Variants in ARHGEF10 observed in about 807,000 individuals in gnomAD.
The protein encoded by ARHGEF10 is Rho guanine nucleotide exchange factor (GEF) 10.
Under a neutral mutation model 147.4 loss-of-function variants are expected in ARHGEF10, and 140 were observed. The ratio of observed to expected loss-of-function variants is 0.95; its 90% CI spans 0.83 to 1.09. The LOEUF (loss-of-function observed/expected upper bound fraction) is 1.09, where lower values mean the gene tolerates loss of function less well. Among genes scored for constraint, ARHGEF10 ranks in the 50% least tolerant of loss-of-function variants. The pLI is 0.00. For synonymous variants in ARHGEF10, 902 were observed against 695.8 expected (o/e 1.30, Z -4.67); for missense variants, 2,222 against 1,752.7 (o/e 1.27, Z -4.78).
At chr8:1,924,504 A>C (rs1033694280) in intron 21 of ARHGEF10, among the ~76,000 whole-genome samples, 1 of 152,262 alleles carries the variant, frequency 6.6e-6, no homozygotes, top group Non-Finnish European at 1.5e-5. Context: ...TCTGCTGTAG[A>C]TAATCTGAAA....
At chr8:1,924,070 A>G (rs947025115) in intron 21 of ARHGEF10, among the ~76,000 whole-genome samples, 196 bp downstream of exon 21, 2 of 152,242 alleles carry the variant, frequency 1.3e-5, no homozygotes, top group African/African-American at 2.4e-5. Flanking sequence ...GAGGGATCGC[A>G]TATTAAAATG....
chr8:1,928,451 G>C lies in ARHGEF10; in HGVS notation c.2722G>C (p.Gly908Arg). 1 of 1,614,072 alleles carries C rather than the reference G, an allele frequency of 6.2e-7. No homozygotes were observed. Among genetic ancestry groups the C allele is most frequent in the Non-Finnish European group, 8.5e-7 (1 of 1,180,028 alleles). ...GATCGGAAGTTGCACCCATCAAATG[G>C]GTCAGATTGCCATCGTCTCGTTTCA... ...LWIGSCTHQM[G>R]QIAIVSFQNS... The change falls in exon 24 of 29, where the codon GGT becomes CGT. Residue 908 changes from glycine to arginine, a missense_variant. Gly to Arg is a moderately radical substitution (Grantham distance 125). Coordinates refer to ENST00000349830, the MANE Select transcript of ARHGEF10 (RefSeq NM_014629.4).
chr8:1,947,542 C>T (rs1416939540), intron 27 of ARHGEF10, among the ~76,000 whole-genome samples: 1 of 152,118 alleles, frequency 6.6e-6, no homozygotes, highest in Non-Finnish European at 1.5e-5. Flanking sequence ...TTTAATAAAA[C>T]CCAACAGCAC....
At chr8:1,888,486 TG>T (rs1187653458) in intron 11 of ARHGEF10, among the ~76,000 whole-genome samples, 1 of 104,544 alleles carries the variant, frequency 9.6e-6, no homozygotes, top group Non-Finnish European at 1.8e-5. Context: ...AGACACTGAG[TG>T]GGGTAAGAAG....
At chr8:1,863,772 ACG>A (rs1203931824) in intron 4 of ARHGEF10, among the ~76,000 whole-genome samples, 2 of 152,074 alleles carry the variant, frequency 1.3e-5, no homozygotes, top group African/African-American at 2.4e-5. Context: ...GGCTTTGCTC[ACG>A]GCTCACCGTT....
intron 1 of ARHGEF10, among the ~76,000 whole-genome samples, chr8:1,825,009 T>C (rs1585184293): frequency 3.1e-5 from 1 of 32,064 alleles, no homozygotes; most frequent in Non-Finnish European, 5.9e-5. Flanking sequence ...CCCCACCTGT[T>C]TACTCTGCAC....
rs566506939 is a variant in ARHGEF10, at chr8:1,859,472, C to A, written c.194-425C>A. Among the ~76,000 whole-genome samples the A allele has an allele frequency of 1.4e-3, 206 of 152,110 alleles. 1 individual carries two copies. The highest frequency in any genetic ancestry group is 3.5e-3 in the Admixed American group (54 of 15,280). On this transcript the variant is annotated intron_variant, in intron 3 of 28. Coordinates refer to ENST00000349830, the MANE Select transcript of ARHGEF10 (RefSeq NM_014629.4). ...CATGGTGTTTCTTTGTGCATAGCAC[C>A]AGCCTCTCGGTTGTTTGCACAGTGT...
intron 25 of ARHGEF10, among the ~76,000 whole-genome samples, chr8:1,930,538 A>G (rs1172571622): frequency 3.8e-5 from 5 of 132,458 alleles, no homozygotes; most frequent in Non-Finnish European, 6.2e-5. Context: ...CAGTGTACTT[A>G]GAATAGAATT....
intron 18 of ARHGEF10, among the ~76,000 whole-genome samples, chr8:1,911,563 T>C (rs1449275574): frequency 1.3e-5 from 2 of 152,220 alleles, no homozygotes; most frequent in African/African-American, 4.8e-5. Context: ...TGGTGCTGTC[T>C]TGCATTTACA....
chr8:1,866,394 T>C, intron 5 of ARHGEF10, 132 bp from the exon 6 acceptor site: 1 of 798,232 alleles, frequency 1.3e-6, no homozygotes, highest in South Asian at 1.4e-5. Flanking sequence ...TGTGATTTCC[T>C]GTATAGTAAC....
At chr8:1,928,748 A>C in intron 24 of ARHGEF10, 98 bp downstream of exon 24, 1 of 1,368,470 alleles carries the variant, frequency 7.3e-7, no homozygotes, top group Non-Finnish European at 1.0e-6. Flanking sequence ...ACTTTGACTC[A>C]GGAGTAGCCC....
chr8:1,906,418 T>C (rs35174153), intron 17 of ARHGEF10, among the ~76,000 whole-genome samples: 6,123 of 152,240 alleles, frequency 0.04, 175 homozygotes, highest in Non-Finnish European at 0.061. Flanking sequence ...ACGGGAACAT[T>C]TACAGCATGG....
At chr8:1,862,985 A>G (rs530509619) in intron 4 of ARHGEF10, among the ~76,000 whole-genome samples, 1 of 151,686 alleles carries the variant, frequency 6.6e-6, no homozygotes, top group East Asian at 2.0e-4. Context: ...GGGTTTCACC[A>G]TGTTGACCAG....
chr8:1,842,977 A>G (rs1034607552), intron 1 of ARHGEF10, among the ~76,000 whole-genome samples: 2 of 152,214 alleles, frequency 1.3e-5, no homozygotes, highest in Non-Finnish European at 2.9e-5. Flanking sequence ...GATCCCAGCT[A>G]AGTCTGGAAG....
chr8:1,851,870 C>G (rs1805176746), intron 2 of ARHGEF10, among the ~76,000 whole-genome samples: 1 of 151,044 alleles, frequency 6.6e-6, no homozygotes, highest in East Asian at 2.0e-4. Context: ...GCTGCGATCG[C>G]AATACTGCAC....
intron 28 of ARHGEF10, among the ~76,000 whole-genome samples, chr8:1,955,396 T>A (rs112500117): frequency 5.4e-5 from 8 of 148,334 alleles, no homozygotes; most frequent in South Asian, 2.2e-4. Flanking sequence ...GTACTCTCAC[T>A]GTTTCTCTGG....
rs73542454 is a variant in ARHGEF10 at position 1,867,737 on chromosome 8, T to C, written c.622+1135T>C. On this transcript the variant is annotated intron_variant, in intron 6 of 28. Transcript: ENST00000349830. ...TTTTAAAGGAAAAGCAAGATTACTT[T>C]CCTGATTATGCCTCTCATTATCCAC... Among the ~76,000 whole-genome samples the C allele has an allele frequency of 3.0e-3, 456 of 152,350 alleles. 1 individual carries two copies. The highest frequency in any genetic ancestry group is 9.8e-3 in the African/African-American group (408 of 41,566).
chr8:1,881,803 G>A (rs575495905), intron 9 of ARHGEF10, among the ~76,000 whole-genome samples: 1 of 152,340 alleles, frequency 6.6e-6, no homozygotes, highest in East Asian at 1.9e-4. Flanking sequence ...GGAGAGCCTG[G>A]TTCTCAGCTG....
intron 18 of ARHGEF10, among the ~76,000 whole-genome samples, chr8:1,911,507 C>A (rs1305163781): frequency 6.6e-6 from 1 of 152,194 alleles, no homozygotes; most frequent in Non-Finnish European, 1.5e-5. Flanking sequence ...AGATAGAACT[C>A]AAGTCAGAAT....
Sources: allele counts gnomAD v4.1 joint callset (sites outside exome capture counted in the v4.1 genomes callset), GRCh38; gene constraint gnomAD v4.1.1; transcripts MANE v1.5; gene names NCBI Gene and HGNC (gene_info 2026-07-23, HGNC 2026-07-21).